ARHGEF7: variants seen among roughly 807,000 people sequenced by gnomAD.
The protein encoded by ARHGEF7 is PAK-interacting exchange factor beta.
ARHGEF7 carries 33 observed loss-of-function variants against 109.8 expected under a neutral mutation model. The ratio of observed to expected loss-of-function variants is 0.30; its 90% confidence interval spans 0.23 to 0.40. The LOEUF (loss-of-function observed/expected upper bound fraction) is 0.40, where lower values mean the gene tolerates loss of function less well. ARHGEF7 is among the 10% of genes least tolerant of loss of function. The pLI, the probability that ARHGEF7 is intolerant of heterozygous loss-of-function variation, is 1.00. For synonymous variants in ARHGEF7, 458 were observed against 424.6 expected, an observed-to-expected ratio of 1.08 and a Z score of -0.97; for missense variants, 938 against 1,098.5, an observed-to-expected ratio of 0.85 and a Z score of 2.07.
intron 2 of ARHGEF7, among the ~76,000 whole-genome samples, chr13:111,192,427 T>C (rs1259438181): frequency 6.6e-6 from 1 of 152,228 alleles, no homozygotes; most frequent in Non-Finnish European, 1.5e-5. Context: ...TGTTGATATT[T>C]TGCCAAAGAA....
At chr13:111,301,346 TA>T (rs909462538) in intron 20 of ARHGEF7, 131 bp from the exon 21 acceptor site, 2 of 724,050 alleles carry the variant, frequency 2.8e-6, no homozygotes, top group African/African-American at 3.6e-5. Context: ...GTTGTGAATG[TA>T]GACAGTACAT....
chr13:111,217,570 C>A, intron 4 of ARHGEF7, 109 bp from the exon 5 acceptor site: 1 of 1,052,938 alleles, frequency 9.5e-7, no homozygotes, highest in Non-Finnish European at 1.4e-6. Flanking sequence ...AAATGTATTT[C>A]TACTGTTGGG....
intron 8 of ARHGEF7, among the ~76,000 whole-genome samples, chr13:111,265,104 A>G (rs1189798873): frequency 1.4e-5 from 2 of 146,842 alleles, no homozygotes; most frequent in Non-Finnish European, 3.0e-5. Context: ...AGCCTGGGTA[A>G]CAAGAGAGAA....
chr13:111,292,841 C>T (rs764913616), intron 19 of ARHGEF7: 55 of 991,624 alleles, frequency 5.5e-5, no homozygotes, highest in Middle Eastern at 5.2e-4. Flanking sequence ...CCAGTTCCAA[C>T]GGCTGTGTTC....
chr13:111,279,310 C>T (rs1433943578), intron 13 of ARHGEF7, among the ~76,000 whole-genome samples: 3 of 151,962 alleles, frequency 2.0e-5, no homozygotes, highest in African/African-American at 4.8e-5. Context: ...TGGACTGGAT[C>T]GTTCATGGCC....
At chr13:111,302,216 C>T (rs919750757) in intron 21 of ARHGEF7, among the ~76,000 whole-genome samples, 36 of 152,080 alleles carry the variant, frequency 2.4e-4, no homozygotes, top group African/African-American at 1.2e-4. Context: ...GGGTATTGCA[C>T]GGAATGTGAG....
chr13:111,214,998 G>T (rs1420454285), intron 4 of ARHGEF7, among the ~76,000 whole-genome samples: 1 of 151,864 alleles, frequency 6.6e-6, no homozygotes, highest in Non-Finnish European at 1.5e-5. Context: ...CTTAAAGTCA[G>T]GTGATTCGCT....
At chr13:111,195,038 G>T (rs1040668555) in intron 2 of ARHGEF7, among the ~76,000 whole-genome samples, 1 of 152,220 alleles carries the variant, frequency 6.6e-6, no homozygotes, top group Admixed American at 6.5e-5. Flanking sequence ...CCTAGAATTG[G>T]GGTGTTGCAG....
chr13:111,170,290 G>T (rs1317209098), intron 2 of ARHGEF7, among the ~76,000 whole-genome samples: 1 of 152,216 alleles, frequency 6.6e-6, no homozygotes, highest in Non-Finnish European at 1.5e-5. Flanking sequence ...TAGAGACGAG[G>T]TCTTGCCATG....
At chr13:111,265,830 A>G (rs1471934317) in intron 8 of ARHGEF7, 9 of 428,218 alleles carry the variant, frequency 2.1e-5, no homozygotes, top group African/African-American at 2.0e-5. Context: ...GCAATAGGGG[A>G]CCACCTGCGG....
chr13:111,252,316 C>T (rs1441767720), intron 8 of ARHGEF7, among the ~76,000 whole-genome samples: 2 of 152,308 alleles, frequency 1.3e-5, no homozygotes, highest in Non-Finnish European at 2.9e-5. Flanking sequence ...GGATTGAGGG[C>T]CTGCCTCTAG....
At chr13:111,278,759 T>A (rs2092626772) in intron 13 of ARHGEF7, among the ~76,000 whole-genome samples, 2 of 152,234 alleles carry the variant, frequency 1.3e-5, no homozygotes, top group South Asian at 4.1e-4. Flanking sequence ...GTCAGCACTA[T>A]CTGGCTTCCG....
At chr13:111,277,781 G>A (rs2092570049) in intron 13 of ARHGEF7, 108 bp downstream of exon 13, 2 of 749,748 alleles carry the variant, frequency 2.7e-6, no homozygotes, top group Non-Finnish European at 4.5e-6. Context: ...TATGTGCTGT[G>A]TGTGTAGTGC....
rs987436135 is a variant in ARHGEF7 at position 111,153,764 on chromosome 13, C to T, written c.166-141C>T. On this transcript the variant is annotated intron_variant, in intron 1 of 21. Transcript: ENST00000646102. The stretch of plus-strand genomic sequence containing the variant: ...CTGAGCGGGTTGGCATCTGGGGCAG[C>T]GGGCTCGCTCCAGGCCGTCGGGGGC... The T allele has an allele frequency of 5.9e-6, 8 of 1,353,894 alleles. No homozygotes were observed. In the African/African-American group the frequency reaches 6.2e-5, roughly 10 times the overall value. The allele number at this position is 1,353,894 out of a possible 1,614,324, so 83.9% of individuals were successfully genotyped here.
chr13:111,276,997 G>T (rs973675827), intron 12 of ARHGEF7, among the ~76,000 whole-genome samples: 3 of 152,126 alleles, frequency 2.0e-5, no homozygotes, highest in Non-Finnish European at 2.9e-5. Flanking sequence ...TTTTAAGTCT[G>T]ATGTAAACCA....
At chr13:111,151,863 G>C (rs915915901) in intron 1 of ARHGEF7, among the ~76,000 whole-genome samples, 5 of 151,942 alleles carry the variant, frequency 3.3e-5, no homozygotes, top group Non-Finnish European at 1.5e-5. Flanking sequence ...GAGGACATAT[G>C]TTTACAGAAT....
chr13:111,222,776 T>C (rs757075349), intron 5 of ARHGEF7, among the ~76,000 whole-genome samples: 1 of 152,178 alleles, frequency 6.6e-6, no homozygotes, highest in Non-Finnish European at 1.5e-5. Context: ...GAAACCACAT[T>C]TTTTACCGTG....
rs1206804908 is a variant in ARHGEF7, at chr13:111,233,216, T to C, written c.682T>C (p.Ser228Pro). The change falls in exon 6 of 22, where the codon TCT becomes CCT. Residue 228 changes from serine (S) to proline (P), a missense_variant. By Grantham distance (74) the Ser-to-Pro change is moderately conservative. Transcript: ENST00000646102. ...REVKASEKPVSPKSGTLKSPP... is the reference protein window; with the variant it reads ...REVKASEKPVPPKSGTLKSPP... ...CATTTTCATTTCAGAGAAGCCTGTG[T>C]CTCCCAAATCAGGAACACTGAAGAG... 3 of 1,613,852 alleles carry C rather than the reference T, an allele frequency of 1.9e-6. No homozygotes were observed. In the South Asian group the frequency reaches 3.3e-5, roughly 18 times the overall value.
At chr13:111,177,026 G>A (rs1014359950) in intron 2 of ARHGEF7, among the ~76,000 whole-genome samples, 1 of 152,196 alleles carries the variant, frequency 6.6e-6, no homozygotes, top group Non-Finnish European at 1.5e-5. Flanking sequence ...CAGAGTGCTG[G>A]GATTACAGGC....
Sources: allele counts gnomAD v4.1 joint callset (sites outside exome capture counted in the v4.1 genomes callset), GRCh38; gene constraint gnomAD v4.1.1; transcripts MANE v1.5; gene names NCBI Gene and HGNC (gene_info 2026-07-23, HGNC 2026-07-21).